PCIF1: variants seen among roughly 807,000 people sequenced by gnomAD.
The protein encoded by PCIF1 is mRNA (2'-O-methyladenosine-N(6)-)-methyltransferase.
Under a neutral mutation model 86.9 loss-of-function variants are expected in PCIF1, and 12 were observed. The observed-to-expected ratio is 0.14, with a 90% CI of 0.09 to 0.22. The LOEUF (loss-of-function observed/expected upper bound fraction) is 0.22, where lower values mean the gene tolerates loss of function less well. Among genes scored for constraint, PCIF1 ranks in the 10% least tolerant of loss-of-function variants. The pLI, the probability that PCIF1 is intolerant of heterozygous loss-of-function variation, is 1.00. For missense variants in PCIF1, 701 were observed against 951.1 expected (o/e 0.74, Z 3.46); for synonymous variants, 397 against 372.0 (o/e 1.07, Z -0.77).
chr20:45,947,239 T>G lies in PCIF1; in HGVS notation c.1708-24T>G, dbSNP rs763637587. 3.7e-5 allele frequency: 60 copies of G among 1,603,038 alleles called. No homozygotes were observed. Among genetic ancestry groups the G allele is most frequent in the Non-Finnish European group, 4.7e-5 (55 of 1,171,724 alleles). ...GCCACCTGGGAGGTAGTCCCTGACA[T>G]CCACCCTGTGTCCCCTTCCACAGAG... On this transcript the variant is annotated intron_variant, in intron 15 of 16. Transcript: ENST00000372409. This position sits in a 1 kb window ranked among gnomAD's most constrained non-coding sequence, Gnocchi z 5.4.
intron 1 of PCIF1, among the ~76,000 whole-genome samples, chr20:45,935,422 C>T (rs978458221): frequency 1.8e-4 from 27 of 152,140 alleles, no homozygotes; most frequent in Admixed American, 3.3e-4. Context: ...CGGTAATTCT[C>T]AAACTGCGGT....
rs1352359006 is a variant in PCIF1 at position 45,940,913 on chromosome 20, G to A, written c.492G>A (p.Gln164=). 4 of 1,614,028 alleles carry A rather than the reference G, an allele frequency of 2.5e-6. No homozygotes were observed. The Admixed American group carries it at 5.0e-5, about 20-fold the overall frequency. ...GGGGTACGTCCCCTGAAGATAAACA[G>A]CAGGCAGCTCTCCTACGACCCACTG... ...KMWGTSPEDK[Q]QAALLRPTEV... is the part of the protein sequence containing the mutation. The change falls in exon 6 of 17, where the codon CAG becomes CAA. Residue 164 remains glutamine, a synonymous_variant. Transcript: ENST00000372409.
Position 45,943,778 on chromosome 20 carries a change from C to G in PCIF1, c.1005+13C>G. On this transcript the variant is annotated intron_variant, in intron 10 of 16. Transcript: ENST00000372409. The surrounding 1 kb of genome is among the most constrained non-coding windows in gnomAD (Gnocchi z 5.5). The stretch of plus-strand genomic sequence containing the variant: ...GGAGGACTACATGGTGAGTGGGTCC[C>G]CGGGTGAGAAGGCCAGTTTTAGGGC... 1 of 1,549,218 alleles carries G rather than the reference C, an allele frequency of 6.5e-7. No individual in the cohort carries two copies. The highest frequency in any genetic ancestry group is 8.7e-7 in the Non-Finnish European group (1 of 1,145,076).
intron 14 of PCIF1, among the ~76,000 whole-genome samples, chr20:45,946,623 A>G (rs560563466): frequency 1.6e-3 from 240 of 152,304 alleles, no homozygotes; most frequent in African/African-American, 5.3e-3. Context: ...GAGTCAGTTC[A>G]GGGTGGAATA....
At chr20:45,941,961 T>C (rs898035629) in intron 7 of PCIF1, among the ~76,000 whole-genome samples, 1 of 103,626 alleles carries the variant, frequency 9.7e-6, no homozygotes, top group Non-Finnish European at 2.1e-5. Context: ...GCCTTTCACC[T>C]TTTTTTTTTT....
At chr20:45,940,073 G>C (rs183039958) in intron 4 of PCIF1, among the ~76,000 whole-genome samples, 12 of 152,312 alleles carry the variant, frequency 7.9e-5, no homozygotes, top group African/African-American at 2.4e-4. Context: ...AGTCCCATCT[G>C]CAGGGCCTTG....
At position 45,943,009 on chromosome 20, in the gene PCIF1, G is replaced by C; in HGVS notation, c.674-88G>C. ...GAAGTGGGACTGTGTCTTGCTTACTGCTGAATGCGATGCTTCCTATACGTG... is the reference window on the plus strand; with the variant it reads ...GAAGTGGGACTGTGTCTTGCTTACTCCTGAATGCGATGCTTCCTATACGTG... On this transcript the variant is annotated intron_variant, in intron 7 of 16. Coordinates refer to ENST00000372409, the MANE Select transcript of PCIF1 (RefSeq NM_022104.4). This position sits in a 1 kb window ranked among gnomAD's most constrained non-coding sequence, Gnocchi z 5.5. The C allele has an allele frequency of 2.2e-6, 3 of 1,367,864 alleles. No homozygotes were observed. Among genetic ancestry groups the C allele is most frequent in the Non-Finnish European group, 3.0e-6 (3 of 998,412 alleles). 84.7% of individuals were successfully genotyped at this position (1,367,864 alleles called of 1,614,324 possible).
chr20:45,940,781 C>T, intron 5 of PCIF1, 28 bp from the exon 6 acceptor site: 1 of 1,609,368 alleles, frequency 6.2e-7, no homozygotes, highest in African/African-American at 1.3e-5. Context: ...AATCTCCTGA[C>T]TTGACACCTT....
chr20:45,934,931 G>C, intron 1 of PCIF1, 127 bp downstream of exon 1: 1 of 396,108 alleles, frequency 2.5e-6, no homozygotes, highest in Non-Finnish European at 4.5e-6. Context: ...CTCTGTTGCC[G>C]CCGCCATCTT....
In PCIF1 at chr20:45,943,370, C is replaced by T. The variant is rs1600506895; in HGVS notation, c.852C>T (p.Ala284=). The T allele has an allele frequency of 2.0e-5, 32 of 1,613,996 alleles. No individual in the cohort carries two copies. Among genetic ancestry groups the T allele is most frequent in the Non-Finnish European group, 2.5e-5 (29 of 1,180,018 alleles). The change falls in exon 9 of 17, where the codon GCC becomes GCT. Residue 284 remains alanine, a synonymous_variant. Coordinates refer to ENST00000372409, the MANE Select transcript of PCIF1 (RefSeq NM_022104.4). This position sits in a 1 kb window ranked among gnomAD's most constrained non-coding sequence, Gnocchi z 5.5. Reference sequence around the variant, plus strand: ...CCCGAATCAAGTTCCGGGAGGAAGCCAAGCGCCTGCTCTTTAAATATGCGG... The same window carrying T: ...CCCGAATCAAGTTCCGGGAGGAAGCTAAGCGCCTGCTCTTTAAATATGCGG... The part of the protein sequence containing the change: ...RLSRIKFREE[A]KRLLFKYAEA...
Position 45,939,030 on chromosome 20 carries a change from G to C in PCIF1, c.31G>C (p.Glu11Gln), listed in dbSNP as rs763290934. The change falls in exon 3 of 17, where the codon GAG becomes CAG. Residue 11 changes from glutamate to glutamine, a missense_variant. Glu to Gln is a conservative substitution (Grantham distance 29, BLOSUM62 2). Coordinates refer to ENST00000372409, the MANE Select transcript of PCIF1 (RefSeq NM_022104.4). ...CAATGAGAATCACGGCAGCCCCCGG[G>C]AGGAAGCGTCCCTGCTGAGTCACTC... MANENHGSPR[E>Q]EASLLSHSPG... The C allele has an allele frequency of 6.2e-7, 1 of 1,614,048 alleles. No individual in the cohort carries two copies.
intron 4 of PCIF1, 58 bp downstream of exon 4, chr20:45,939,397 C>T: frequency 6.2e-7 from 1 of 1,603,648 alleles, no homozygotes; most frequent in Middle Eastern, 1.8e-4. Flanking sequence ...CTGGGCCTTC[C>T]CCAAATGTAC....
Position 45,946,013 on chromosome 20 carries a change from C to T in PCIF1, c.1342-16C>T, listed in dbSNP as rs781173237. 2 of 1,614,068 alleles carry T rather than the reference C, an allele frequency of 1.2e-6. No homozygotes were observed. The highest frequency in any genetic ancestry group is 2.2e-5 in the East Asian group (1 of 44,876). ...GAGCACTGCTGAAGGCTCCTCCTCTCTGTCCCGCTCCACAGTGGCTCCTTT... is the reference window on the plus strand; with the variant it reads ...GAGCACTGCTGAAGGCTCCTCCTCTTTGTCCCGCTCCACAGTGGCTCCTTT... On this transcript the variant is annotated splice_polypyrimidine_tract_variant and intron_variant, in intron 12 of 16. Coordinates refer to ENST00000372409, the MANE Select transcript of PCIF1 (RefSeq NM_022104.4).
chr20:45,934,704 C>A lies in PCIF1; in HGVS notation c.-288C>A. ...CAGCGCGGAGTCCCGGCCCGGGACA[C>A]AAGATGGCGGCAGCGGCGCTGGGGA... On this transcript the variant is annotated 5_prime_UTR_variant, in exon 1 of 17. Transcript: ENST00000372409. 2.5e-6 allele frequency: 1 copy of A among 398,850 alleles called. No homozygotes were observed. The highest frequency in any genetic ancestry group is 4.4e-6 in the Non-Finnish European group (1 of 225,970). The allele number at this position is 398,850 out of a possible 1,614,324, so 24.7% of individuals were successfully genotyped here.
At chr20:45,935,954 G>A (rs1009911405) in intron 1 of PCIF1, among the ~76,000 whole-genome samples, 1 of 152,064 alleles carries the variant, frequency 6.6e-6, no homozygotes, top group African/African-American at 2.4e-5. Context: ...CATCTACCCG[G>A]TGCATCAATA....
chr20:45,939,738 A>G (rs2083454411), intron 4 of PCIF1, among the ~76,000 whole-genome samples: 1 of 152,194 alleles, frequency 6.6e-6, no homozygotes. Context: ...AAGCTCTGAG[A>G]ATGAGTGTTT....
rs2145860604 is a variant in PCIF1, at chr20:45,937,580, C to T, written c.-25C>T. On this transcript the variant is annotated 5_prime_UTR_variant, in exon 2 of 17. Transcript: ENST00000372409. Reference sequence around the variant, plus strand: ...CCTCTCATGCTAACGTTGCAGACCCCAGAGGGTGAGAGAAAGGGGGACTTC... The same window carrying T: ...CCTCTCATGCTAACGTTGCAGACCCTAGAGGGTGAGAGAAAGGGGGACTTC... 2.5e-6 allele frequency: 1 copy of T among 398,938 alleles called. No homozygotes were observed. The highest frequency in any genetic ancestry group is 4.4e-6 in the Non-Finnish European group (1 of 226,068). The allele number at this position is 398,938 out of a possible 1,614,324, so 24.7% of individuals were successfully genotyped here.
chr20:45,944,807 GC>G, intron 10 of PCIF1, 60 bp from the exon 11 acceptor site: 1 of 1,552,194 alleles, frequency 6.4e-7, no homozygotes, highest in Non-Finnish European at 8.7e-7. Flanking sequence ...GCGGTTACCT[GC>G]CAGCCCAGCT....
intron 7 of PCIF1, among the ~76,000 whole-genome samples, chr20:45,942,389 AC>A (rs1007535456): frequency 4.9e-5 from 7 of 143,054 alleles, no homozygotes; most frequent in African/African-American, 1.9e-4. Context: ...GTCTCGGCTC[AC>A]TGCAACCTCT....
Sources: gnomAD v4.1 joint callset for allele counts (sites outside exome capture counted in the v4.1 genomes callset) on GRCh38, gnomAD v4.1.1 for gene constraint, Gnocchi (gnomAD v3.1) non-coding constraint, MANE v1.5 for transcripts, NCBI Gene and HGNC (gene_info 2026-07-23, HGNC 2026-07-21) for gene names.